Variants in PAM observed in about 807,000 individuals in gnomAD.
The protein encoded by PAM is peptidylglycine alpha-amidating monooxygenase.
Under a neutral mutation model 122.1 loss-of-function variants are expected in PAM, and 72 were observed. The observed-to-expected ratio is 0.59, with a 90% CI of 0.49 to 0.72. The LOEUF is 0.72. Among genes scored for constraint, PAM ranks in the 30% least tolerant of loss-of-function variants. The pLI, the probability that PAM is intolerant of heterozygous loss-of-function variation, is 0.00. For missense variants in PAM, 1,106 were observed against 1,183.7 expected (o/e 0.93, Z 0.96); for synonymous variants, 389 against 404.4 (o/e 0.96, Z 0.46).
At chr5:102,825,479 GC>G (rs771463470) in intron 1 of PAM, among the ~76,000 whole-genome samples, 3 of 152,142 alleles carry the variant, frequency 2.0e-5, no homozygotes, top group Non-Finnish European at 2.9e-5. Context: ...AATATCAAAT[GC>G]CAGATTTTAA....
intron 14 of PAM, among the ~76,000 whole-genome samples, chr5:102,965,878 A>G (rs866782503): frequency 1.3e-5 from 2 of 152,184 alleles, no homozygotes; most frequent in Middle Eastern, 3.4e-3. Flanking sequence ...AAGCAGAATC[A>G]AGGGAACAAG....
intron 1 of PAM, among the ~76,000 whole-genome samples, chr5:102,795,189 C>CAAAAAAAAAAAAAAAAAAAAAAA (rs33988105): frequency 1.7e-5 from 1 of 59,658 alleles, no homozygotes; most frequent in Non-Finnish European, 3.0e-5. Context: ...GACAATGTCT[C>CAAAAAAAAAAAAAAAAAAAAAAA]AAAAAAAAAA....
At chr5:102,991,842 A>C (rs756193503) in intron 16 of PAM, among the ~76,000 whole-genome samples, 1 of 152,200 alleles carries the variant, frequency 6.6e-6, no homozygotes, top group Admixed American at 6.5e-5. Flanking sequence ...TACTATTCAT[A>C]GTAGCATATT....
At chr5:102,811,001 C>T (rs1767750396) in intron 1 of PAM, among the ~76,000 whole-genome samples, 1 of 152,108 alleles carries the variant, frequency 6.6e-6, no homozygotes, top group African/African-American at 2.4e-5. Context: ...AGTGGCAGAG[C>T]GAGGGCTGAT....
intron 12 of PAM, 31 bp downstream of exon 12, chr5:102,950,851 A>G (rs779512650): frequency 6.3e-6 from 8 of 1,277,750 alleles, no homozygotes; most frequent in Non-Finnish European, 1.1e-6. Flanking sequence ...CTATTTAAAG[A>G]TATTTTATTG....
intron 1 of PAM, among the ~76,000 whole-genome samples, chr5:102,784,558 A>G (rs1759978262): frequency 6.6e-6 from 1 of 152,334 alleles, no homozygotes; most frequent in Admixed American, 6.5e-5. Context: ...TTCTGAGGAC[A>G]GGTACCATCT....
chr5:103,011,378 TCACACACACACA>T (rs71226932), intron 21 of PAM, among the ~76,000 whole-genome samples: 5 of 148,616 alleles, frequency 3.4e-5, no homozygotes, highest in Admixed American at 6.7e-5. Context: ...AAACACACAC[TCACACACACACA>T]CACACACACA....
intron 15 of PAM, among the ~76,000 whole-genome samples, chr5:102,987,977 C>A (rs1009302827): frequency 6.6e-6 from 1 of 152,012 alleles, no homozygotes; most frequent in Non-Finnish European, 1.5e-5. Context: ...TGTAATGTAC[C>A]TCAAAATTTT....
intron 1 of PAM, among the ~76,000 whole-genome samples, chr5:102,861,597 G>T (rs915911697): frequency 6.6e-6 from 1 of 152,130 alleles, no homozygotes; most frequent in Non-Finnish European, 1.5e-5. Flanking sequence ...ACTAATAAAA[G>T]ACATTATTGG....
At chr5:102,927,502 T>C (rs928768902) in intron 7 of PAM, among the ~76,000 whole-genome samples, 1 of 152,168 alleles carries the variant, frequency 6.6e-6, no homozygotes, top group Non-Finnish European at 1.5e-5. Flanking sequence ...TAACCTGATA[T>C]GTTTCCCTTT....
chr5:102,779,886 CATATAT>C (rs767088116), intron 1 of PAM, among the ~76,000 whole-genome samples: 142 of 81,056 alleles, frequency 1.8e-3, no homozygotes, highest in South Asian at 4.3e-3. Flanking sequence ...CTCCCATATA[CATATAT>C]ATATATATAT....
At chr5:102,979,026 T>G (rs999069263) in intron 15 of PAM, among the ~76,000 whole-genome samples, 6 of 99,472 alleles carry the variant, frequency 6.0e-5, no homozygotes, top group African/African-American at 1.5e-4. Context: ...TCTGTTATTC[T>G]GCATCACACA....
At position 102,949,607 on chromosome 5, in the gene PAM, T is replaced by G. The variant is rs751597795; in HGVS notation, c.714T>G (p.Thr238=). The G allele has an allele frequency of 2.1e-6, 3 of 1,420,718 alleles. No homozygotes were observed. The highest frequency in any genetic ancestry group is 3.0e-6 in the Non-Finnish European group (3 of 1,004,394). 88.0% of individuals were successfully genotyped at this position (1,420,718 alleles called of 1,614,324 possible). Reference sequence around the variant, plus strand: ...ATGTCTTTGCCTATAGAGTTCACACTCACCATTTAGGTAAGAACTTTACAT... The same window carrying G: ...ATGTCTTTGCCTATAGAGTTCACACGCACCATTTAGGTAAGAACTTTACAT... ...PMHVFAYRVH[T]HHLGKVVSGY... The change falls in exon 10 of 26, where the codon ACT becomes ACG. Residue 238 remains threonine, a synonymous_variant. Transcript: ENST00000438793.
rs529932816 is a variant in PAM at position 102,789,481 on chromosome 5, G to A, written c.-374+34133G>A. ...TTAAAAAGGAATGAAATTCTGACAC[G>A]TGCTACAACATGGCTGATCCTTGAA... On this transcript the variant is annotated intron_variant, in intron 1 of 25. Transcript: ENST00000438793. 2.6e-5 allele frequency among the ~76,000 whole-genome samples: 4 copies of A among 152,180 alleles called. No individual in the cohort carries two copies. The South Asian group carries it at 8.3e-4, about 32-fold the overall frequency.
chr5:102,988,596 A>AGGAAAG (rs2150745482), intron 15 of PAM, among the ~76,000 whole-genome samples: 1 of 151,306 alleles, frequency 6.6e-6, no homozygotes, highest in Non-Finnish European at 1.5e-5. Context: ...AAAGAAGGAA[A>AGGAAAG]GGAAAGGGAA....
Position 102,950,723 on chromosome 5 carries a change from T to C in PAM, c.808T>C (p.Tyr270His), listed in dbSNP as rs1758587365. The C allele has an allele frequency of 1.3e-6, 2 of 1,598,546 alleles. No individual in the cohort carries two copies. Among genetic ancestry groups the C allele is most frequent in the South Asian group, 1.1e-5 (1 of 90,626 alleles). ...GTGTTTGTCTTTTTGGTAGGCTTTC[T>C]ACCCTGTGGGGCATCCAGTTGATGT... ...RQSPQLPQAF[Y>H]PVGHPVDVSF... Residue 270 changes from tyrosine to histidine, a missense_variant, in exon 12 of 26, where the codon TAC becomes CAC. By Grantham distance (83) the Tyr-to-His change is moderately conservative (BLOSUM62 2). Transcript: ENST00000438793.
At chr5:102,893,581 T>C (rs1316004475) in intron 3 of PAM, among the ~76,000 whole-genome samples, 6 of 151,896 alleles carry the variant, frequency 4.0e-5, no homozygotes, top group East Asian at 1.9e-4. Flanking sequence ...TTGTAGTTTT[T>C]ATTCTTTTCT....
Position 102,827,790 on chromosome 5 carries a change from C to T in PAM, c.-373-38033C>T, listed in dbSNP as rs112113860. Among the ~76,000 whole-genome samples, 2 of 59,680 alleles carry T rather than the reference C, an allele frequency of 3.4e-5. 1 individual carries two copies. The highest frequency in any genetic ancestry group is 5.8e-5 in the Non-Finnish European group (2 of 34,748). 39.2% of individuals were successfully genotyped at this position (59,680 alleles called of 152,430 possible). ...CAAGCTCCGCTTCCCGGGTTCACGCCATTCTCCTGCCTCAGCCTCCCGAGT... is the reference window on the plus strand; with the variant it reads ...CAAGCTCCGCTTCCCGGGTTCACGCTATTCTCCTGCCTCAGCCTCCCGAGT... On this transcript the variant is annotated intron_variant, in intron 1 of 25. Coordinates refer to ENST00000438793, the MANE Select transcript of PAM (RefSeq NM_001177306.2).
chr5:102,769,983 A>C (rs1755249521), intron 1 of PAM, among the ~76,000 whole-genome samples: 1 of 152,128 alleles, frequency 6.6e-6, no homozygotes. Flanking sequence ...CCAATCCATG[A>C]TCATAGGATA....
Sources: allele counts gnomAD v4.1 joint callset (sites outside exome capture counted in the v4.1 genomes callset), GRCh38; gene constraint gnomAD v4.1.1; transcripts MANE v1.5; gene names NCBI Gene and HGNC (gene_info 2026-07-23, HGNC 2026-07-21).